The following EPHA6 variants were observed in gnomAD, a reference collection of about 807,000 sequenced individuals.
The protein encoded by EPHA6 is EPH receptor A6.
In EPHA6, 50 loss-of-function variants were observed where a neutral mutation model predicts 112.0. The ratio of observed to expected loss-of-function variants is 0.45; its 90% confidence interval spans 0.36 to 0.56. The LOEUF is 0.56. Ranked by LOEUF, EPHA6 falls within the 20% of genes least tolerant of loss-of-function variation. The pLI is 0.00. For synonymous variants in EPHA6, 529 were observed against 490.7 expected, an observed-to-expected ratio of 1.08 and a Z score of -1.03; for missense variants, 1,280 against 1,417.4, an observed-to-expected ratio of 0.90 and a Z score of 1.56.
intron 10 of EPHA6, among the ~76,000 whole-genome samples, chr3:97,523,156 A>G (rs939382200): frequency 2.6e-5 from 4 of 152,070 alleles, no homozygotes; most frequent in African/African-American, 9.6e-5. Flanking sequence ...TTTGTAATGC[A>G]GGCATTTATT....
chr3:97,441,095 T>C (rs1367349954), intron 6 of EPHA6, among the ~76,000 whole-genome samples: 2 of 151,994 alleles, frequency 1.3e-5, no homozygotes, highest in African/African-American at 4.8e-5. Context: ...CATTAATAAG[T>C]GGAAAGTTTC....
At chr3:97,154,671 T>C (rs977030636) in intron 3 of EPHA6, among the ~76,000 whole-genome samples, 1 of 152,208 alleles carries the variant, frequency 6.6e-6, no homozygotes, top group Admixed American at 6.5e-5. Context: ...AATAATGCTA[T>C]AACATTTATA....
At chr3:97,187,681 G>T (rs1221613040) in intron 3 of EPHA6, among the ~76,000 whole-genome samples, 2 of 105,298 alleles carry the variant, frequency 1.9e-5, no homozygotes, top group Non-Finnish European at 4.0e-5. Flanking sequence ...GAAAGAGAAA[G>T]AAAGAAGGAA....
chr3:96,835,615 A>G (rs185598162), intron 1 of EPHA6, among the ~76,000 whole-genome samples: 1 of 152,120 alleles, frequency 6.6e-6, no homozygotes. Flanking sequence ...AAGAGCCTTG[A>G]ATGCTATGCT....
intron 5 of EPHA6, among the ~76,000 whole-genome samples, chr3:97,388,307 A>C (rs1430010475): frequency 6.6e-6 from 1 of 152,062 alleles, no homozygotes; most frequent in Non-Finnish European, 1.5e-5. Flanking sequence ...GGAGAAGAAA[A>C]CTTTTTTTTT....
At chr3:97,503,567 G>A (rs956457063) in intron 10 of EPHA6, among the ~76,000 whole-genome samples, 1 of 152,142 alleles carries the variant, frequency 6.6e-6, no homozygotes, top group African/African-American at 2.4e-5. Flanking sequence ...TCAGAATGCT[G>A]TTATTGCTGG....
intron 8 of EPHA6, among the ~76,000 whole-genome samples, chr3:97,478,047 T>A (rs968209667): frequency 6.6e-6 from 1 of 152,088 alleles, no homozygotes. Flanking sequence ...TGCACACATA[T>A]GTTTATGGAG....
At chr3:97,187,320 G>C (rs570923006) in intron 3 of EPHA6, among the ~76,000 whole-genome samples, 41 of 152,180 alleles carry the variant, frequency 2.7e-4, no homozygotes, top group African/African-American at 8.2e-4. Flanking sequence ...GCTCACGCCT[G>C]TATTCCCAGC....
At chr3:97,691,048 A>G (rs573981384) in intron 14 of EPHA6, among the ~76,000 whole-genome samples, 2 of 152,226 alleles carry the variant, frequency 1.3e-5, no homozygotes, top group Non-Finnish European at 2.9e-5. Context: ...TTGTGTTTTC[A>G]TGTAAGATTT....
At chr3:96,986,878 G>T (rs1302786657) in intron 2 of EPHA6, among the ~76,000 whole-genome samples, 1 of 152,136 alleles carries the variant, frequency 6.6e-6, no homozygotes, top group African/African-American at 2.4e-5. Flanking sequence ...ACAATTTGTG[G>T]CAAATTGGAT....
chr3:97,172,036 C>T (rs1271797480), intron 3 of EPHA6, among the ~76,000 whole-genome samples: 1 of 151,896 alleles, frequency 6.6e-6, no homozygotes, highest in Non-Finnish European at 1.5e-5. Flanking sequence ...TTACTGGTCA[C>T]CTTTAAGAAT....
chr3:97,496,967 G>A (rs1024510115), intron 10 of EPHA6, among the ~76,000 whole-genome samples: 2 of 152,114 alleles, frequency 1.3e-5, no homozygotes, highest in African/African-American at 2.4e-5. Flanking sequence ...ATCATTCCCT[G>A]TCAGCTCTGC....
At chr3:97,224,316 T>C (rs949545869) in intron 3 of EPHA6, among the ~76,000 whole-genome samples, 3 of 152,168 alleles carry the variant, frequency 2.0e-5, no homozygotes, top group Non-Finnish European at 2.9e-5. Context: ...TATGAGACTG[T>C]TCTCAAGAAC....
intron 10 of EPHA6, among the ~76,000 whole-genome samples, chr3:97,527,845 C>A (rs1230321331): frequency 6.6e-6 from 1 of 152,052 alleles, no homozygotes; most frequent in African/African-American, 2.4e-5. Context: ...AGAACTTGAC[C>A]TGATCTATTT....
intron 16 of EPHA6, among the ~76,000 whole-genome samples, chr3:97,744,593 G>A (rs573434308): frequency 3.3e-5 from 5 of 152,032 alleles, no homozygotes; most frequent in African/African-American, 1.2e-4. Flanking sequence ...TGGAGAGAAA[G>A]GGAATTATGG....
At chr3:97,219,183 C>G (rs2078120124) in intron 3 of EPHA6, among the ~76,000 whole-genome samples, 1 of 152,072 alleles carries the variant, frequency 6.6e-6, no homozygotes, top group Non-Finnish European at 1.5e-5. Flanking sequence ...GCACATGGTG[C>G]AGGCTGTCAG....
At chr3:96,823,485 C>T (rs913667248) in intron 1 of EPHA6, among the ~76,000 whole-genome samples, 2 of 150,804 alleles carry the variant, frequency 1.3e-5, no homozygotes, top group African/African-American at 4.9e-5. Flanking sequence ...TTAGCTAAAA[C>T]TTTTTTTAAT....
chr3:96,975,868 T>G (rs2042502121), intron 2 of EPHA6, among the ~76,000 whole-genome samples: 1 of 152,206 alleles, frequency 6.6e-6, no homozygotes, highest in Non-Finnish European at 1.5e-5. Flanking sequence ...GAAACATGTA[T>G]TATTTAATTT....
intron 2 of EPHA6, among the ~76,000 whole-genome samples, chr3:96,933,581 A>T (rs1282889723): frequency 6.6e-6 from 1 of 152,170 alleles, no homozygotes; most frequent in Middle Eastern, 3.2e-3. Context: ...ATTCTCTTGT[A>T]ATTGTACAGT....
Sources: gnomAD v4.1 joint callset for allele counts (sites outside exome capture counted in the v4.1 genomes callset) on GRCh38, gnomAD v4.1.1 for gene constraint, MANE v1.5 for transcripts, NCBI Gene and HGNC (gene_info 2026-07-23, HGNC 2026-07-21) for gene names.